Variants in NCKAP5 observed in about 807,000 individuals in gnomAD.
NCKAP5 encodes the protein NCK associated protein 5.
A neutral mutation model predicts 167.0 loss-of-function variants in NCKAP5; 92 were observed. The ratio of observed to expected loss-of-function variants is 0.55; its 90% CI spans 0.47 to 0.66. The LOEUF is 0.66. Ranked by LOEUF, NCKAP5 falls within the 30% of genes least tolerant of loss-of-function variation. The pLI, the probability that NCKAP5 is intolerant of heterozygous loss-of-function variation, is 0.00. For missense variants in NCKAP5, 2,378 were observed against 2,315.0 expected, an observed-to-expected ratio of 1.03 and a Z score of -0.56; for synonymous variants, 891 against 877.4, an observed-to-expected ratio of 1.02 and a Z score of -0.27.
chr2:132,837,436 C>G (rs78386546), intron 11 of NCKAP5, among the ~76,000 whole-genome samples: 1 of 151,940 alleles, frequency 6.6e-6, no homozygotes, highest in African/African-American at 2.4e-5. Context: ...ACTTTTTTAA[C>G]TTACTGGGAA....
intron 11 of NCKAP5, among the ~76,000 whole-genome samples, chr2:132,825,961 C>T (rs1240330225): frequency 6.6e-6 from 1 of 152,194 alleles, no homozygotes; most frequent in Non-Finnish European, 1.5e-5. Context: ...CTACAGTGCT[C>T]ACTTGCAAAG....
chr2:133,500,210 AT>A (rs1682377442), intron 3 of NCKAP5, among the ~76,000 whole-genome samples: 3 of 152,334 alleles, frequency 2.0e-5, no homozygotes, highest in Admixed American at 1.3e-4. Flanking sequence ...TCTATTAGTA[AT>A]TAATTCAACA....
chr2:133,313,357 T>C (rs1681379739), intron 3 of NCKAP5, among the ~76,000 whole-genome samples: 1 of 151,740 alleles, frequency 6.6e-6, no homozygotes, highest in Admixed American at 6.6e-5. Context: ...AGTTAAGTTG[T>C]ATTCTCCCAT....
intron 8 of NCKAP5, among the ~76,000 whole-genome samples, chr2:132,886,551 G>C (rs1280148775): frequency 6.6e-6 from 1 of 152,208 alleles, no homozygotes; most frequent in Non-Finnish European, 1.5e-5. Context: ...GCTGCATTTA[G>C]TTATAATTTC....
chr2:133,057,552 C>A (rs2079847536), intron 6 of NCKAP5, among the ~76,000 whole-genome samples: 1 of 152,170 alleles, frequency 6.6e-6, no homozygotes, highest in African/African-American at 2.4e-5. Context: ...GCTACAATAT[C>A]CCCTTAAGCC....
intron 5 of NCKAP5, among the ~76,000 whole-genome samples, chr2:133,209,658 T>A (rs954860616): frequency 6.6e-6 from 1 of 151,824 alleles, no homozygotes. Flanking sequence ...CTGTACTGGA[T>A]CCCAGATCAG....
intron 8 of NCKAP5, among the ~76,000 whole-genome samples, chr2:132,909,394 T>TG (rs1208481056): frequency 6.6e-6 from 1 of 152,172 alleles, no homozygotes; most frequent in Non-Finnish European, 1.5e-5. Context: ...GCTCAGGCTA[T>TG]ATCCAATGAT....
At chr2:132,786,389 G>C (rs933263686) in intron 13 of NCKAP5, among the ~76,000 whole-genome samples, 8 of 152,048 alleles carry the variant, frequency 5.3e-5, no homozygotes, top group African/African-American at 1.9e-4. Flanking sequence ...AACTTTATTT[G>C]GTAGACAATA....
intron 4 of NCKAP5, among the ~76,000 whole-genome samples, chr2:133,266,738 C>A (rs936958150): frequency 4.6e-5 from 7 of 152,202 alleles, no homozygotes; most frequent in African/African-American, 1.4e-4. Flanking sequence ...CGCCGCCAGT[C>A]CCCCTGCGCC....
chr2:133,237,086 A>C (rs2087457817), intron 4 of NCKAP5, among the ~76,000 whole-genome samples: 1 of 152,206 alleles, frequency 6.6e-6, no homozygotes, highest in Non-Finnish European at 1.5e-5. Context: ...AAATTTAAAA[A>C]AAAGAGTAGA....
At chr2:133,430,737 T>C (rs967934860) in intron 3 of NCKAP5, among the ~76,000 whole-genome samples, 9 of 152,110 alleles carry the variant, frequency 5.9e-5, no homozygotes, top group Non-Finnish European at 1.2e-4. Context: ...TATATGTCTA[T>C]TTTTGTACCA....
At chr2:133,090,640 G>A (rs115212802) in intron 6 of NCKAP5, among the ~76,000 whole-genome samples, 229 of 152,308 alleles carry the variant, frequency 1.5e-3, no homozygotes, top group African/African-American at 5.3e-3. Flanking sequence ...CACCAAGTCT[G>A]TGGTAATTGG....
rs1020503425 is a variant in NCKAP5, at chr2:132,755,553, G to A, written c.5128+18263C>T. Reference sequence around the variant, plus strand: ...CCCTTTTTAATAATAACTATAGGCCGGGCATGGTGGCTCGTGCCTGTAATC... The same window carrying A: ...CCCTTTTTAATAATAACTATAGGCCAGGCATGGTGGCTCGTGCCTGTAATC... On this transcript the variant is annotated intron_variant, in intron 16 of 19. Coordinates refer to ENST00000409261, the MANE Select transcript of NCKAP5 (RefSeq NM_207363.3). Among the ~76,000 whole-genome samples the A allele has an allele frequency of 9.2e-5, 14 of 151,930 alleles. No individual in the cohort carries two copies. The South Asian group carries it at 1.5e-3, about 16-fold the overall frequency.
At chr2:133,108,932 T>G (rs1216346507) in intron 6 of NCKAP5, among the ~76,000 whole-genome samples, 1 of 152,246 alleles carries the variant, frequency 6.6e-6, no homozygotes, top group Non-Finnish European at 1.5e-5. Flanking sequence ...CTACCCATTC[T>G]TACACTGTTG....
chr2:133,419,948 C>G (rs1254552510), intron 3 of NCKAP5, among the ~76,000 whole-genome samples: 1 of 152,180 alleles, frequency 6.6e-6, no homozygotes, highest in Non-Finnish European at 1.5e-5. Flanking sequence ...GCATAAGACT[C>G]TAAACATTGC....
At chr2:133,334,663 G>T (rs1683096288) in intron 3 of NCKAP5, among the ~76,000 whole-genome samples, 1 of 152,118 alleles carries the variant, frequency 6.6e-6, no homozygotes, top group South Asian at 2.1e-4. Context: ...TGTAGATTGG[G>T]CTTGGTTATC....
At chr2:133,438,752 A>G (rs527417207) in intron 3 of NCKAP5, among the ~76,000 whole-genome samples, 1 of 152,330 alleles carries the variant, frequency 6.6e-6, no homozygotes, top group South Asian at 2.1e-4. Flanking sequence ...TAGTATTAAT[A>G]TATTATTCTC....
chr2:133,616,702 C>T, the NCKAP5 span, among the ~76,000 whole-genome samples: 1 of 151,898 alleles, frequency 6.6e-6, no homozygotes, highest in Non-Finnish European at 1.5e-5. Flanking sequence ...GATGGATTCA[C>T]AGCTGAATTC....
the NCKAP5 span, among the ~76,000 whole-genome samples, chr2:133,579,953 T>C: frequency 6.6e-6 from 1 of 152,230 alleles, no homozygotes; most frequent in African/African-American, 2.4e-5. Flanking sequence ...ATAAATATTT[T>C]TGGCTTTCAT....
Sources: allele counts gnomAD v4.1 joint callset (sites outside exome capture counted in the v4.1 genomes callset), GRCh38; gene constraint gnomAD v4.1.1; transcripts MANE v1.5; gene names NCBI Gene and HGNC (gene_info 2026-07-23, HGNC 2026-07-21).